Variants in MBOAT2 observed in about 807,000 individuals in gnomAD.
MBOAT2 encodes the protein membrane-bound glycerophospholipid O-acyltransferase 2.
In MBOAT2, 28 loss-of-function variants were observed where a neutral mutation model predicts 63.4. The ratio of observed to expected loss-of-function variants is 0.44; its 90% CI spans 0.33 to 0.61. The LOEUF is 0.61. MBOAT2 is among the 20% of genes least tolerant of loss of function. MBOAT2 has a pLI of 0.03. For synonymous variants in MBOAT2, 211 were observed against 215.6 expected, an observed-to-expected ratio of 0.98 and a Z score of 0.19; for missense variants, 470 against 605.8, an observed-to-expected ratio of 0.78 and a Z score of 2.35.
intron 3 of MBOAT2, among the ~76,000 whole-genome samples, chr2:8,936,054 G>C (rs1667638895): frequency 6.6e-6 from 1 of 152,118 alleles, no homozygotes; most frequent in Non-Finnish European, 1.5e-5. Context: ...CTGATACATA[G>C]TTTTACTACT....
intron 9 of MBOAT2, among the ~76,000 whole-genome samples, chr2:8,867,445 A>G (rs1661981436): frequency 6.6e-6 from 1 of 152,140 alleles, no homozygotes; most frequent in South Asian, 2.1e-4. Flanking sequence ...ACGTGCTGAT[A>G]GTTCCCAGAT....
intron 3 of MBOAT2, among the ~76,000 whole-genome samples, chr2:8,911,634 T>G (rs1468703737): frequency 1.3e-5 from 2 of 152,038 alleles, no homozygotes; most frequent in Non-Finnish European, 2.9e-5. Context: ...AGTTCTCACT[T>G]TATTTATTCC....
chr2:8,978,661 C>A (rs990860204), intron 1 of MBOAT2, among the ~76,000 whole-genome samples: 17 of 151,994 alleles, frequency 1.1e-4, no homozygotes, highest in Non-Finnish European at 2.5e-4. Context: ...TGGGGCCAGT[C>A]AGGGGGTGGG....
intron 3 of MBOAT2, among the ~76,000 whole-genome samples, chr2:8,925,882 G>A (rs990126241): frequency 1.3e-5 from 2 of 151,986 alleles, no homozygotes; most frequent in Non-Finnish European, 2.9e-5. Flanking sequence ...ATAAAATAAC[G>A]GTACATCTTA....
intron 3 of MBOAT2, among the ~76,000 whole-genome samples, chr2:8,937,778 C>T (rs1032700021): frequency 6.6e-6 from 1 of 152,144 alleles, no homozygotes; most frequent in East Asian, 1.9e-4. Context: ...ATCCTAAACT[C>T]ACTCTTTTAA....
At chr2:8,893,628 G>A (rs1664184990) in intron 4 of MBOAT2, among the ~76,000 whole-genome samples, 1 of 152,182 alleles carries the variant, frequency 6.6e-6, no homozygotes, top group Admixed American at 6.5e-5. Context: ...TAATCAAAAG[G>A]GAAGTGCTGT....
intron 4 of MBOAT2, among the ~76,000 whole-genome samples, chr2:8,890,461 T>G (rs1198394680): frequency 6.6e-6 from 1 of 152,236 alleles, no homozygotes; most frequent in Non-Finnish European, 1.5e-5. Flanking sequence ...CCTAACAGTC[T>G]TGTTCACCAC....
intron 3 of MBOAT2, among the ~76,000 whole-genome samples, chr2:8,910,870 G>T (rs1573026524): frequency 6.6e-6 from 1 of 152,260 alleles, no homozygotes; most frequent in South Asian, 2.1e-4. Flanking sequence ...TTTACCCACA[G>T]GAAGCAGTCT....
At chr2:8,954,817 T>C (rs367552599) in intron 2 of MBOAT2, among the ~76,000 whole-genome samples, 1 of 152,192 alleles carries the variant, frequency 6.6e-6, no homozygotes, top group African/African-American at 2.4e-5. Flanking sequence ...TGGCTCAGTC[T>C]GCTGGTCCAG....
At chr2:8,975,074 A>G (rs751106923) in intron 1 of MBOAT2, among the ~76,000 whole-genome samples, 4 of 152,086 alleles carry the variant, frequency 2.6e-5, no homozygotes, top group Non-Finnish European at 5.9e-5. Context: ...GCTTTCTATA[A>G]ACCAACACAA....
intron 4 of MBOAT2, among the ~76,000 whole-genome samples, chr2:8,900,869 T>C (rs1664869767): frequency 6.6e-6 from 1 of 152,122 alleles, no homozygotes; most frequent in Non-Finnish European, 1.5e-5. Flanking sequence ...TTTTTCCCCA[T>C]CAGAGAGAGA....
chr2:8,953,525 T>C (rs1441232898), intron 2 of MBOAT2, among the ~76,000 whole-genome samples: 1 of 152,236 alleles, frequency 6.6e-6, no homozygotes. Flanking sequence ...TTCCCTCAAA[T>C]ACATTTTCCA....
At chr2:8,961,780 C>G (rs748207535) in intron 1 of MBOAT2, among the ~76,000 whole-genome samples, 6 of 152,150 alleles carry the variant, frequency 3.9e-5, no homozygotes, top group Non-Finnish European at 7.3e-5. Context: ...AATCTCCACC[C>G]GCAGGGGGCA....
intron 1 of MBOAT2, among the ~76,000 whole-genome samples, chr2:8,997,598 C>A (rs1221464821): frequency 1.3e-5 from 2 of 152,068 alleles, no homozygotes; most frequent in Non-Finnish European, 2.9e-5. Flanking sequence ...TAAATAAATT[C>A]CAGAAATTTG....
At chr2:8,877,305 A>C in intron 6 of MBOAT2, 92 bp from the exon 7 acceptor site, 2 of 1,193,608 alleles carry the variant, frequency 1.7e-6, no homozygotes, top group Non-Finnish European at 2.3e-6. Flanking sequence ...CTCCATTTCC[A>C]AAGTAAAACA....
chr2:8,878,128 T>A (rs1289439542), intron 6 of MBOAT2, among the ~76,000 whole-genome samples: 1 of 152,142 alleles, frequency 6.6e-6, no homozygotes, highest in African/African-American at 2.4e-5. Context: ...ATCCTGGCAG[T>A]GGAGCCTGAA....
At chr2:8,927,733 C>T (rs1667031652) in intron 3 of MBOAT2, among the ~76,000 whole-genome samples, 1 of 152,156 alleles carries the variant, frequency 6.6e-6, no homozygotes, top group Non-Finnish European at 1.5e-5. Context: ...GGAGCATCAC[C>T]TCTAGCACAC....
intron 1 of MBOAT2, among the ~76,000 whole-genome samples, chr2:8,990,065 T>C (rs187486554): frequency 6.6e-6 from 1 of 152,290 alleles, no homozygotes; most frequent in Admixed American, 6.5e-5. Flanking sequence ...ATGAAACACG[T>C]TTGTTTTTTC....
chr2:8,966,925 T>C (rs1670038497), intron 1 of MBOAT2, among the ~76,000 whole-genome samples: 1 of 152,196 alleles, frequency 6.6e-6, no homozygotes, highest in African/African-American at 2.4e-5. Flanking sequence ...AATAGCCAAA[T>C]GCCAAGGAAA....
Sources: allele counts gnomAD v4.1 joint callset (sites outside exome capture counted in the v4.1 genomes callset), GRCh38; gene constraint gnomAD v4.1.1; transcripts MANE v1.5; gene names NCBI Gene and HGNC (gene_info 2026-07-23, HGNC 2026-07-21).